The following WDR41 variants were observed in gnomAD, a reference collection of about 807,000 sequenced individuals.
WDR41 encodes the protein WD repeat-containing protein 41.
A neutral mutation model predicts 69.3 loss-of-function variants in WDR41; 63 were observed. The ratio of observed to expected loss-of-function variants is 0.91; its 90% CI spans 0.74 to 1.12. The LOEUF is 1.12. WDR41 is among the 50% of genes most tolerant of loss of function. The probability of loss-of-function intolerance (pLI) is 0.00; values close to 1 mark genes in which losing one functional copy is unlikely to be tolerated. For missense variants in WDR41, 543 were observed against 534.5 expected (o/e 1.02, Z -0.16); for synonymous variants, 185 against 192.1 (o/e 0.96, Z 0.31).
intron 1 of WDR41, among the ~76,000 whole-genome samples, chr5:77,535,783 T>C (rs1445064398): frequency 6.6e-6 from 1 of 152,132 alleles, no homozygotes; most frequent in African/African-American, 2.4e-5. Context: ...TGGATTAGAG[T>C]ATTATGTTAT....
At position 77,568,103 on chromosome 5, in the gene WDR41, T is replaced by C. The variant is rs374097355; in HGVS notation, c.42+52376A>G. On this transcript the variant is annotated intron_variant, in intron 1 of 5. Coordinates refer to the WDR41 transcript ENST00000509971. The stretch of plus-strand genomic sequence containing the variant: ...ACACTTCCTCTAAAGCAAGAACTGA[T>C]GAAAGTGTTTGCTTCCAGGGTATAT... Among the ~76,000 whole-genome samples, 24 of 152,252 alleles carry C rather than the reference T, an allele frequency of 1.6e-4. No homozygotes were observed. The East Asian group carries it at 4.2e-3, about 27-fold the overall frequency.
chr5:77,575,384 T>C (rs1294133366), intron 1 of WDR41, among the ~76,000 whole-genome samples: 2 of 152,204 alleles, frequency 1.3e-5, no homozygotes, highest in African/African-American at 4.8e-5. Flanking sequence ...GAAGGAGATA[T>C]GCAAGGGCAC....
intron 9 of WDR41, 43 bp from the exon 10 acceptor site, chr5:77,438,404 C>A (rs1377077139): frequency 1.2e-6 from 2 of 1,608,448 alleles, no homozygotes; most frequent in Admixed American, 3.4e-5. Context: ...CTAGCACTCA[C>A]CCTTCCTAGT....
chr5:77,522,508 C>T (rs559655481), intron 1 of WDR41, among the ~76,000 whole-genome samples: 39 of 151,990 alleles, frequency 2.6e-4, no homozygotes, highest in Admixed American at 1.2e-3. Flanking sequence ...GTCGTGGTGG[C>T]GCTCACCTGT....
intron 3 of WDR41, among the ~76,000 whole-genome samples, chr5:77,464,327 G>C (rs984221079): frequency 2.9e-5 from 4 of 136,228 alleles, no homozygotes; most frequent in African/African-American, 1.1e-4. Context: ...ACCCAGGCTG[G>C]AGTGCAGTGG....
intron 1 of WDR41, among the ~76,000 whole-genome samples, chr5:77,611,908 GA>G (rs1229007897): frequency 1.3e-5 from 2 of 151,532 alleles, no homozygotes; most frequent in Non-Finnish European, 2.9e-5. Context: ...GACTAATAAA[GA>G]AAAAAAGAGA....
At chr5:77,591,013 G>C (rs1283359790) in intron 1 of WDR41, among the ~76,000 whole-genome samples, 1 of 152,066 alleles carries the variant, frequency 6.6e-6, no homozygotes, top group African/African-American at 2.4e-5. Flanking sequence ...CACCAGAGAA[G>C]TCATCTGAAA....
chr5:77,580,610 C>T (rs867045998), intron 1 of WDR41, among the ~76,000 whole-genome samples: 5 of 151,568 alleles, frequency 3.3e-5, no homozygotes, highest in Admixed American at 6.6e-5. Context: ...TAGAAAAATA[C>T]GCTTAATGCA....
chr5:77,487,187 GTATTTAT>G, intron 2 of WDR41, among the ~76,000 whole-genome samples: 1 of 152,166 alleles, frequency 6.6e-6, no homozygotes. Context: ...CACATACTGT[GTATTTAT>G]TATTTAACTT....
Position 77,436,307 on chromosome 5 carries a change from G to C in WDR41, c.1181C>G (p.Ser394Ter). 6.2e-7 allele frequency: 1 copy of C among 1,614,068 alleles called. No homozygotes were observed. The highest frequency in any genetic ancestry group is 8.5e-7 in the Non-Finnish European group (1 of 1,179,966). ...KKQQENATSC[S>*]LELIGDLIGH... ...AATCAAATCTCCAATAAGCTCCAGT[G>C]AACATGAAGTAGCATTTTCTTGCTG... Residue 394 changes from serine to a stop codon, truncating the protein, a stop_gained, in exon 12 of 13, where the codon TCA (serine) becomes TGA (stop). Coordinates refer to ENST00000296679, the MANE Select transcript of WDR41 (RefSeq NM_018268.4). LOFTEE classifies it high-confidence loss of function.
chr5:77,476,693 C>T (rs1462640321), intron 2 of WDR41, among the ~76,000 whole-genome samples: 2 of 151,548 alleles, frequency 1.3e-5, no homozygotes, highest in East Asian at 3.9e-4. Flanking sequence ...TGGAAAGGAA[C>T]AACCAGTACC....
intron 1 of WDR41, among the ~76,000 whole-genome samples, chr5:77,533,950 A>T (rs1742914383): frequency 6.6e-6 from 1 of 152,158 alleles, no homozygotes; most frequent in South Asian, 2.1e-4. Context: ...TGGAGTTGTT[A>T]CAGTACACCA....
At chr5:77,541,999 A>T (rs1743096927) in intron 1 of WDR41, among the ~76,000 whole-genome samples, 1 of 152,204 alleles carries the variant, frequency 6.6e-6, no homozygotes, top group Admixed American at 6.5e-5. Context: ...TATTCACAAT[A>T]GCAAAGACAT....
At chr5:77,618,565 G>C (rs1171303340) in intron 1 of WDR41, among the ~76,000 whole-genome samples, 7 of 152,196 alleles carry the variant, frequency 4.6e-5, no homozygotes, top group African/African-American at 1.7e-4. Context: ...TAGAGATGGG[G>C]TTTCACCATG....
chr5:77,452,042 T>C (rs1799648391), intron 6 of WDR41: 4 of 152,028 alleles, frequency 2.6e-5, no homozygotes, highest in African/African-American at 9.7e-5. Context: ...GTTTAATTTT[T>C]CCATTATGAT....
intron 1 of WDR41, among the ~76,000 whole-genome samples, chr5:77,529,195 AC>A (rs1802489211): frequency 3.3e-5 from 5 of 151,570 alleles, no homozygotes; most frequent in African/African-American, 1.2e-4. Context: ...AAAGTTGCTG[AC>A]TACAAAGTCA....
At chr5:77,545,598 G>T in intron 1 of WDR41, 1 of 333,350 alleles carries the variant, frequency 3.0e-6, no homozygotes, top group Non-Finnish European at 5.5e-6. Context: ...ACATGAAGAT[G>T]AAATCCCTGG....
rs558023038 is a variant in WDR41, at chr5:77,503,288, C to T, written c.43-13716G>A. On this transcript the variant is annotated intron_variant, in intron 1 of 5. Coordinates refer to the WDR41 transcript ENST00000509971. The stretch of plus-strand genomic sequence containing the variant: ...TCAAGAGAGACAAGGAAGGCCATTA[C>T]ATAATGGTAAAGGGATCAATTCAAC... Among the ~76,000 whole-genome samples, 496 of 150,462 alleles carry T rather than the reference C, an allele frequency of 3.3e-3. 4 individuals are homozygous for T. Among genetic ancestry groups the T allele is most frequent in the African/African-American group, 0.011 (465 of 40,934 alleles).
intron 2 of WDR41, among the ~76,000 whole-genome samples, chr5:77,478,052 C>T (rs565696952): frequency 2.3e-3 from 355 of 152,222 alleles, no homozygotes; most frequent in Non-Finnish European, 4.0e-3. Flanking sequence ...GACACCTCTA[C>T]GCAAATAAAC....
Sources: gnomAD v4.1 joint callset for allele counts (sites outside exome capture counted in the v4.1 genomes callset) on GRCh38, gnomAD v4.1.1 for gene constraint, MANE v1.5 for transcripts, NCBI Gene and HGNC (gene_info 2026-07-23, HGNC 2026-07-21) for gene names.